VPS50: variants seen among roughly 807,000 people sequenced by gnomAD.
The protein encoded by VPS50 is VPS50 subunit of EARP/GARPII complex.
In VPS50, 70 loss-of-function variants were observed where a neutral mutation model predicts 139.7. The observed-to-expected ratio is 0.50, with a 90% CI of 0.41 to 0.61. VPS50 has a LOEUF of 0.61. Ranked by LOEUF, VPS50 falls within the 20% of genes least tolerant of loss-of-function variation. VPS50 has a pLI of 0.00. For synonymous variants in VPS50, 365 were observed against 376.7 expected (o/e 0.97, Z 0.36); for missense variants, 921 against 1,133.7 (o/e 0.81, Z 2.69).
chr7:93,331,588 T>C (rs970814022), intron 21 of VPS50, among the ~76,000 whole-genome samples: 2 of 152,008 alleles, frequency 1.3e-5, no homozygotes, highest in African/African-American at 2.4e-5. Flanking sequence ...AGAATATAAA[T>C]AAACATTGTT....
chr7:93,332,462 C>T (rs1797966601), intron 21 of VPS50, among the ~76,000 whole-genome samples: 1 of 152,170 alleles, frequency 6.6e-6, no homozygotes, highest in African/African-American at 2.4e-5. Flanking sequence ...TGAGGGAAAA[C>T]ACAAACGTTT....
intron 21 of VPS50, among the ~76,000 whole-genome samples, chr7:93,331,232 G>T (rs1462442501): frequency 7.4e-6 from 1 of 135,304 alleles, no homozygotes; most frequent in Non-Finnish European, 1.6e-5. Context: ...CTGTAACAAG[G>T]TTTTTTTTTT....
At chr7:93,286,840 T>C (rs1308537334) in intron 12 of VPS50, among the ~76,000 whole-genome samples, 1 of 152,074 alleles carries the variant, frequency 6.6e-6, no homozygotes, top group African/African-American at 2.4e-5. Context: ...GTTAAAAGCA[T>C]GAGAAGCATT....
chr7:93,308,076 A>G (rs1367936481), intron 18 of VPS50, among the ~76,000 whole-genome samples: 3 of 151,856 alleles, frequency 2.0e-5, no homozygotes, highest in African/African-American at 7.2e-5. Flanking sequence ...ACTTAATGAT[A>G]TTAATGTTAG....
intron 9 of VPS50, among the ~76,000 whole-genome samples, chr7:93,262,384 G>A (rs1795712974): frequency 6.6e-6 from 1 of 152,154 alleles, no homozygotes; most frequent in Admixed American, 6.5e-5. Flanking sequence ...TTAAATTAAT[G>A]GATATACTGA....
At chr7:93,302,578 A>G (rs1180097119) in intron 16 of VPS50, among the ~76,000 whole-genome samples, 1 of 151,282 alleles carries the variant, frequency 6.6e-6, no homozygotes, top group Non-Finnish European at 1.5e-5. Context: ...ATTTTTTTCT[A>G]TTTTATTTAA....
intron 23 of VPS50, among the ~76,000 whole-genome samples, chr7:93,345,350 GAA>G (rs1798359866): frequency 6.6e-6 from 1 of 151,614 alleles, no homozygotes; most frequent in South Asian, 2.1e-4. Flanking sequence ...GCTTACCAAC[GAA>G]AAAGAGTCCA....
chr7:93,261,834 T>G (rs893820520), intron 9 of VPS50, among the ~76,000 whole-genome samples: 1 of 152,046 alleles, frequency 6.6e-6, no homozygotes, highest in Non-Finnish European at 1.5e-5. Flanking sequence ...ATATGAGAGT[T>G]GTGAATAGGA....
In VPS50 at chr7:93,296,496, GA is replaced by G. The variant is rs749466860; in HGVS notation, c.1168-245del. Among the ~76,000 whole-genome samples the G allele has an allele frequency of 2.0e-5, 3 of 152,226 alleles. No homozygotes were observed. In the East Asian group the frequency reaches 5.8e-4, roughly 29 times the overall value. ...GTAATTCAGTGTACTTTGAAATACT[GA>G]CTTAGCACTTTATGTAGCTACTTTC... On this transcript the variant is annotated intron_variant, in intron 14 of 27. Transcript: ENST00000305866.
Position 93,279,988 on chromosome 7 carries a change from TA to T in VPS50, c.942+3693del, listed in dbSNP as rs989501143. On this transcript the variant is annotated intron_variant, in intron 12 of 27. Transcript: ENST00000305866. ...TGAGCTACAGTGAAATTGAACTAAT[TA>T]AAAAAAAAAGAAAAACCTCTTGGAA... Among the ~76,000 whole-genome samples the T allele has an allele frequency of 9.7e-3, 1,439 of 148,150 alleles. 30 individuals are homozygous for T. The highest frequency in any genetic ancestry group is 0.034 in the African/African-American group (1,357 of 40,454).
intron 16 of VPS50, among the ~76,000 whole-genome samples, chr7:93,301,934 T>G (rs1796988731): frequency 6.6e-6 from 1 of 152,214 alleles, no homozygotes; most frequent in South Asian, 2.1e-4. Context: ...TGTTGTTTTC[T>G]GTCTCTGATT....
intron 14 of VPS50, among the ~76,000 whole-genome samples, chr7:93,294,968 T>C (rs1175176257): frequency 6.6e-6 from 1 of 152,192 alleles, no homozygotes; most frequent in Admixed American, 6.5e-5. Context: ...TTTATCTGTG[T>C]TTTCTTAATT....
At chr7:93,329,764 G>A (rs1797881507) in intron 21 of VPS50, among the ~76,000 whole-genome samples, 2 of 152,044 alleles carry the variant, frequency 1.3e-5, no homozygotes, top group African/African-American at 4.8e-5. Flanking sequence ...AAAAGAAAAA[G>A]AAATAATGTC....
intron 20 of VPS50, among the ~76,000 whole-genome samples, chr7:93,313,669 A>C (rs1797336760): frequency 6.6e-6 from 1 of 152,206 alleles, no homozygotes; most frequent in South Asian, 2.1e-4. Flanking sequence ...GTAACAACAA[A>C]TTTTTGTATG....
chr7:93,353,812 A>C, intron 26 of VPS50, 51 bp downstream of exon 26: 3 of 1,379,242 alleles, frequency 2.2e-6, no homozygotes. Flanking sequence ...AAATTGTAAT[A>C]TATGAATAAC....
intron 23 of VPS50, among the ~76,000 whole-genome samples, chr7:93,347,737 A>T (rs1367372111): frequency 6.7e-6 from 1 of 148,388 alleles, no homozygotes; most frequent in Non-Finnish European, 1.5e-5. Context: ...CAAAAAACCA[A>T]ACACTGCATA....
At chr7:93,340,254 A>G (rs1370293463) in intron 22 of VPS50, among the ~76,000 whole-genome samples, 1 of 152,192 alleles carries the variant, frequency 6.6e-6, no homozygotes, top group African/African-American at 2.4e-5. Context: ...GCCTTCTTTC[A>G]TGTTTGCTGT....
chr7:93,256,331 C>T lies in VPS50; in HGVS notation c.298-178C>T, dbSNP rs143126249. 1.1e-3 allele frequency: 454 copies of T among 408,168 alleles called. 6 individuals carry two copies. The East Asian group carries it at 0.018, about 16-fold the overall frequency. The allele number at this position is 408,168 out of a possible 1,614,324, so 25.3% of individuals were successfully genotyped here. On this transcript the variant is annotated intron_variant, in intron 4 of 27. Coordinates refer to ENST00000305866, the MANE Select transcript of VPS50 (RefSeq NM_017667.4). The stretch of plus-strand genomic sequence containing the variant: ...CTGTGCTATGTGCTTTATTATATTA[C>T]CTCTTTTACTAATTTCATAGCCCAG...
At chr7:93,300,145 A>G (rs983301492) in intron 16 of VPS50, among the ~76,000 whole-genome samples, 1 of 152,138 alleles carries the variant, frequency 6.6e-6, no homozygotes, top group African/African-American at 2.4e-5. Context: ...AAACATAGAA[A>G]ATGTGAATTT....
Sources: gnomAD v4.1 joint callset for allele counts (sites outside exome capture counted in the v4.1 genomes callset) on GRCh38, gnomAD v4.1.1 for gene constraint, MANE v1.5 for transcripts, NCBI Gene and HGNC (gene_info 2026-07-23, HGNC 2026-07-21) for gene names.